Variants in GALNT17 observed in about 807,000 individuals in gnomAD.
The protein encoded by GALNT17 is UDP-GalNAc:polypeptide N-acetylgalactosaminyltransferase-like 3.
In GALNT17, 29 loss-of-function variants were observed where a neutral mutation model predicts 63.7. The observed-to-expected ratio is 0.46, with a 90% CI of 0.34 to 0.62. GALNT17 has a LOEUF of 0.62. Ranked by LOEUF, GALNT17 falls within the 20% of genes least tolerant of loss-of-function variation. The pLI is 0.01. For missense variants in GALNT17, 603 were observed against 799.6 expected, an observed-to-expected ratio of 0.75 and a Z score of 2.97; for synonymous variants, 305 against 318.3, an observed-to-expected ratio of 0.96 and a Z score of 0.45.
intron 1 of GALNT17, among the ~76,000 whole-genome samples, chr7:71,180,250 G>C (rs6460643): frequency 0.26 from 39,981 of 151,748 alleles, 9,782 homozygotes; most frequent in African/African-American, 0.66. Context: ...CTCAGCCTCC[G>C]TAGTAGCTGG....
chr7:71,421,130 G>T (rs1786656845), intron 5 of GALNT17, 25 bp downstream of exon 5: 2 of 1,612,292 alleles, frequency 1.2e-6, no homozygotes, highest in African/African-American at 2.7e-5. Context: ...AGCCCTGGCG[G>T]CCAACGAGCC....
At chr7:71,606,315 G>A (rs914645738) in intron 6 of GALNT17, among the ~76,000 whole-genome samples, 11 of 152,062 alleles carry the variant, frequency 7.2e-5, no homozygotes, top group African/African-American at 2.2e-4. Context: ...ACACTCTTTC[G>A]AAAGTTACTC....
intron 6 of GALNT17, among the ~76,000 whole-genome samples, chr7:71,653,699 G>A (rs1374573632): frequency 3.9e-5 from 6 of 152,146 alleles, no homozygotes; most frequent in Non-Finnish European, 5.9e-5. Flanking sequence ...GAGCCACCAC[G>A]CCCAGCCAAA....
chr7:71,584,408 G>A (rs778550547), intron 6 of GALNT17, among the ~76,000 whole-genome samples: 9 of 152,220 alleles, frequency 5.9e-5, no homozygotes, highest in Non-Finnish European at 1.2e-4. Flanking sequence ...TGATCATTCA[G>A]CTTTAACAAA....
At chr7:71,250,484 G>C (rs144680190) in intron 1 of GALNT17, among the ~76,000 whole-genome samples, 1 of 152,014 alleles carries the variant, frequency 6.6e-6, no homozygotes, top group South Asian at 2.1e-4. Flanking sequence ...GGAGGCTTTC[G>C]TGCCCTTTGC....
At chr7:71,685,163 T>C (rs1791333461) in intron 9 of GALNT17, among the ~76,000 whole-genome samples, 1 of 151,996 alleles carries the variant, frequency 6.6e-6, no homozygotes, top group South Asian at 2.1e-4. Flanking sequence ...GAAAGACTCA[T>C]AGGAAGCAGA....
intron 5 of GALNT17, among the ~76,000 whole-genome samples, chr7:71,523,415 C>T (rs1024495454): frequency 1.3e-5 from 2 of 152,104 alleles, no homozygotes; most frequent in Non-Finnish European, 2.9e-5. Context: ...GGTGACAGAG[C>T]GAGACCCTGT....
chr7:71,343,981 A>G (rs989728741), intron 2 of GALNT17, among the ~76,000 whole-genome samples: 1 of 151,916 alleles, frequency 6.6e-6, no homozygotes, highest in African/African-American at 2.4e-5. Context: ...TTTTTTGACT[A>G]AAGTCTCCAA....
intron 6 of GALNT17, among the ~76,000 whole-genome samples, chr7:71,607,573 ATTTG>A (rs1790065034): frequency 6.6e-6 from 1 of 152,186 alleles, no homozygotes; most frequent in African/African-American, 2.4e-5. Context: ...GACACGTACT[ATTTG>A]TTTGTTGTTA....
At chr7:71,513,256 T>C (rs979852595) in intron 5 of GALNT17, among the ~76,000 whole-genome samples, 1 of 152,156 alleles carries the variant, frequency 6.6e-6, no homozygotes, top group Non-Finnish European at 1.5e-5. Flanking sequence ...CACTCCACGA[T>C]TGGAAAATTT....
In GALNT17 at chr7:71,665,600, G is replaced by A. The variant is rs867737142; in HGVS notation, c.1266+4G>A. 1.9e-6 allele frequency: 3 copies of A among 1,611,658 alleles called. No homozygotes were observed. Among genetic ancestry groups the A allele is most frequent in the African/African-American group, 1.3e-5 (1 of 74,754 alleles). ...AGCGTGGAACCTGCCGCTGGAGGTAGGGATCACCAGCCTTTCCCCACCACC... is the reference window on the plus strand; with the variant it reads ...AGCGTGGAACCTGCCGCTGGAGGTAAGGATCACCAGCCTTTCCCCACCACC... On this transcript the variant is annotated splice_donor_region_variant and intron_variant, in intron 7 of 10. Coordinates refer to ENST00000333538, the MANE Select transcript of GALNT17 (RefSeq NM_022479.3).
chr7:71,215,161 T>TA (rs1789454783), intron 1 of GALNT17, among the ~76,000 whole-genome samples: 1 of 152,184 alleles, frequency 6.6e-6, no homozygotes, highest in African/African-American at 2.4e-5. Context: ...GTTCTCTGCA[T>TA]AACACTGTTT....
At chr7:71,328,648 ATTT>A (rs5884832) in intron 1 of GALNT17, among the ~76,000 whole-genome samples, 28 of 140,498 alleles carry the variant, frequency 2.0e-4, no homozygotes, top group Admixed American at 2.9e-4. Context: ...AATACCAGTG[ATTT>A]TTTTTTTTTT....
intron 9 of GALNT17, among the ~76,000 whole-genome samples, chr7:71,695,083 A>G (rs1245744340): frequency 1.3e-5 from 2 of 152,220 alleles, no homozygotes; most frequent in Non-Finnish European, 2.9e-5. Context: ...TGTGCTTTGA[A>G]GATGTGCTTA....
chr7:71,701,521 A>T (rs1791631375), intron 9 of GALNT17, among the ~76,000 whole-genome samples: 1 of 151,706 alleles, frequency 6.6e-6, no homozygotes, highest in Non-Finnish European at 1.5e-5. Context: ...ACATTTAAGC[A>T]GAAACTTGAA....
At chr7:71,658,745 G>A (rs6971170) in intron 6 of GALNT17, among the ~76,000 whole-genome samples, 1,854 of 152,044 alleles carry the variant, frequency 0.012, 25 homozygotes, top group African/African-American at 0.036. Flanking sequence ...ACAATTAGCC[G>A]TCCACGGTGG....
rs528497507 is a variant in GALNT17, at chr7:71,489,182, C to T, written c.962+68077C>T. Among the ~76,000 whole-genome samples, 13 of 152,200 alleles carry T rather than the reference C, an allele frequency of 8.5e-5. No individual in the cohort carries two copies. The South Asian group carries it at 2.5e-3, about 29-fold the overall frequency. Reference sequence around the variant, plus strand: ...GTGTTGGGATTACAGGCATGAGCCACTGCACCCAACCAGGTTTGTCTCATA... The same window carrying T: ...GTGTTGGGATTACAGGCATGAGCCATTGCACCCAACCAGGTTTGTCTCATA... On this transcript the variant is annotated intron_variant, in intron 5 of 10. Coordinates refer to ENST00000333538, the MANE Select transcript of GALNT17 (RefSeq NM_022479.3).
At chr7:71,243,712 T>C (rs1446477563) in intron 1 of GALNT17, among the ~76,000 whole-genome samples, 1 of 152,140 alleles carries the variant, frequency 6.6e-6, no homozygotes, top group Non-Finnish European at 1.5e-5. Flanking sequence ...GCCCTTTAAC[T>C]TCCTTCGATC....
At chr7:71,471,361 A>C (rs908214331) in intron 5 of GALNT17, among the ~76,000 whole-genome samples, 2 of 147,432 alleles carry the variant, frequency 1.4e-5, no homozygotes, top group African/African-American at 5.0e-5. Flanking sequence ...TACAGGCAGG[A>C]GCCACTGGAC....
Sources: gnomAD v4.1 joint callset for allele counts (sites outside exome capture counted in the v4.1 genomes callset) on GRCh38, gnomAD v4.1.1 for gene constraint, MANE v1.5 for transcripts, NCBI Gene and HGNC (gene_info 2026-07-23, HGNC 2026-07-21) for gene names.